MACC1: variants seen among roughly 807,000 people sequenced by gnomAD.
MACC1 encodes the protein MET transcriptional regulator MACC1, also known as metastasis-associated in colon cancer protein 1.
Under a neutral mutation model 70.7 loss-of-function variants are expected in MACC1, and 79 were observed. That is an observed-to-expected ratio of 1.12 (90% CI 0.93 to 1.35). The LOEUF is 1.35. Ranked by LOEUF, MACC1 falls within the 40% of genes most tolerant of loss-of-function variation. The pLI is 0.00. For missense variants in MACC1, 1,106 were observed against 978.1 expected (o/e 1.13, Z -1.74); for synonymous variants, 361 against 347.2 (o/e 1.04, Z -0.44).
At chr7:20,143,605 G>A (rs1457968433) in intron 6 of MACC1, among the ~76,000 whole-genome samples, 3 of 152,020 alleles carry the variant, frequency 2.0e-5, no homozygotes, top group East Asian at 1.9e-4. Flanking sequence ...TGGCCAGGAT[G>A]GTCTTGATCT....
chr7:20,183,237 C>A (rs532922076), intron 1 of MACC1, among the ~76,000 whole-genome samples: 1 of 152,306 alleles, frequency 6.6e-6, no homozygotes, highest in Admixed American at 6.5e-5. Context: ...TTTGACAAAC[C>A]ATTGCTGGAC....
At chr7:20,173,290 A>G (rs1450891408) in intron 1 of MACC1, among the ~76,000 whole-genome samples, 2 of 152,198 alleles carry the variant, frequency 1.3e-5, no homozygotes, top group Admixed American at 6.5e-5. Context: ...GCCCATCCTT[A>G]CCCTGGCACA....
chr7:20,202,388 A>T (rs1782845798), intron 1 of MACC1, among the ~76,000 whole-genome samples: 1 of 152,206 alleles, frequency 6.6e-6, no homozygotes, highest in African/African-American at 2.4e-5. Flanking sequence ...AGATTTCAGA[A>T]TACGCCTCTT....
intron 1 of MACC1, among the ~76,000 whole-genome samples, chr7:20,186,508 A>G (rs1782590799): frequency 6.6e-6 from 1 of 152,174 alleles, no homozygotes; most frequent in African/African-American, 2.4e-5. Context: ...AATCAAATAA[A>G]TAAACGACAG....
intron 1 of MACC1, among the ~76,000 whole-genome samples, chr7:20,215,498 T>C (rs1256052588): frequency 6.6e-6 from 1 of 152,220 alleles, no homozygotes; most frequent in Non-Finnish European, 1.5e-5. Context: ...TCCTCCACCT[T>C]TGGAGAATTA....
intron 1 of MACC1, among the ~76,000 whole-genome samples, chr7:20,184,578 A>G (rs886278638): frequency 6.6e-6 from 1 of 152,222 alleles, no homozygotes; most frequent in Non-Finnish European, 1.5e-5. Context: ...TCTTGCATTT[A>G]TATCTGTATA....
chr7:20,189,035 A>G (rs1178845736), intron 1 of MACC1, among the ~76,000 whole-genome samples: 1 of 152,174 alleles, frequency 6.6e-6, no homozygotes, highest in Non-Finnish European at 1.5e-5. Context: ...CACAGCAGGC[A>G]TGTTCTTGCC....
rs1250293935 is a variant in MACC1 at position 20,159,170 on chromosome 7, T to C, written c.1191A>G (p.Pro397=). 1.2e-6 allele frequency: 2 copies of C among 1,613,972 alleles called. No individual in the cohort carries two copies. The highest frequency in any genetic ancestry group is 2.2e-5 in the East Asian group (1 of 44,890). ...VLTVCGHNYM[P]GQLTISDIKK... ...TAATATCAGAAATTGTAAGCTGTCC[T>C]GGCATATAATTGTGTCCACAAACTG... Residue 397 remains proline, a synonymous_variant, in exon 5 of 7, where the codon CCA becomes CCG. Coordinates refer to ENST00000400331, the MANE Select transcript of MACC1 (RefSeq NM_182762.4).
In MACC1 at chr7:20,158,418, T is replaced by C. The variant is rs373061346; in HGVS notation, c.1943A>G (p.Tyr648Cys). The C allele has an allele frequency of 4.3e-6, 7 of 1,613,746 alleles. No individual in the cohort carries two copies. Among genetic ancestry groups the C allele is most frequent in the African/African-American group, 1.3e-5 (1 of 74,940 alleles). Residue 648 changes from tyrosine to cysteine, a missense_variant, in exon 5 of 7, where the codon TAT becomes TGT. Transcript: ENST00000400331. ...CAAGGTTAATACAACTGAGTAGATA[T>C]AAGTCAATTTTTTTAAAGGCAGGAC... ...QIVLPLKKLTYIYSVVLTLVS... is the reference protein window; with the variant it reads ...QIVLPLKKLTCIYSVVLTLVS...
intron 1 of MACC1, among the ~76,000 whole-genome samples, chr7:20,203,106 T>C (rs1270985595): frequency 6.6e-6 from 1 of 152,212 alleles, no homozygotes; most frequent in East Asian, 1.9e-4. Context: ...GTTGGTCCCA[T>C]ATATCTCCTG....
At position 20,175,518 on chromosome 7, in the gene MACC1, A is replaced by G. The variant is rs1339315416; in HGVS notation, c.-217-4740T>C. 2.0e-5 allele frequency among the ~76,000 whole-genome samples: 3 copies of G among 152,260 alleles called. No homozygotes were observed. In the East Asian group the frequency reaches 5.8e-4, roughly 29 times the overall value. On this transcript the variant is annotated intron_variant, in intron 1 of 6. Coordinates refer to ENST00000400331, the MANE Select transcript of MACC1 (RefSeq NM_182762.4). ...GCATCTAATATATATAACTCTTGAT[A>G]TATTTTCAAATGTATTGCAAAATTA... is the stretch of plus-strand genomic sequence containing the variant.
At position 20,159,557 on chromosome 7, in the gene MACC1, A is replaced by G; in HGVS notation, c.804T>C (p.Thr268=). The change falls in exon 5 of 7, where the codon ACT becomes ACC. Residue 268 remains threonine, a synonymous_variant. Coordinates refer to ENST00000400331, the MANE Select transcript of MACC1 (RefSeq NM_182762.4). ...PHMLNHDLSC[T]VSPLLEIMLG... ...ACATGATTTCCAACAACGGGCTCAC[A>G]GTGCACGAAAGATCATGGTTAAGCA... 2 of 1,614,158 alleles carry G rather than the reference A, an allele frequency of 1.2e-6. No homozygotes were observed. The highest frequency in any genetic ancestry group is 1.7e-6 in the Non-Finnish European group (2 of 1,180,022).
At chr7:20,180,304 G>A (rs1782482552) in intron 1 of MACC1, among the ~76,000 whole-genome samples, 2 of 151,704 alleles carry the variant, frequency 1.3e-5, no homozygotes, top group African/African-American at 4.8e-5. Flanking sequence ...TTAGCCGGGC[G>A]TGGTGGCACG....
At chr7:20,201,548 GGAACTT>G (rs1210570890) in intron 1 of MACC1, among the ~76,000 whole-genome samples, 1 of 152,120 alleles carries the variant, frequency 6.6e-6, no homozygotes, top group Non-Finnish European at 1.5e-5. Context: ...CACAGACTGA[GGAACTT>G]GAACTTTAGC....
intron 1 of MACC1, among the ~76,000 whole-genome samples, chr7:20,194,078 A>G (rs1453564806): frequency 5.3e-5 from 8 of 152,138 alleles, no homozygotes. Flanking sequence ...CTCCATCTGT[A>G]AAATGAGGGG....
intron 2 of MACC1, among the ~76,000 whole-genome samples, chr7:20,168,899 A>C (rs750694497): frequency 2.0e-5 from 3 of 152,178 alleles, no homozygotes; most frequent in Non-Finnish European, 4.4e-5. Context: ...CAAACAATTC[A>C]CTAAGTTAAA....
chr7:20,196,611 G>A (rs1782758890), intron 1 of MACC1, among the ~76,000 whole-genome samples: 2 of 151,878 alleles, frequency 1.3e-5, no homozygotes, highest in Admixed American at 6.6e-5. Flanking sequence ...ATAAAACAAT[G>A]TATATATCTG....
intron 1 of MACC1, among the ~76,000 whole-genome samples, chr7:20,181,292 A>G (rs1449132633): frequency 6.6e-6 from 1 of 152,106 alleles, no homozygotes; most frequent in Non-Finnish European, 1.5e-5. Context: ...ACAAAGAAAA[A>G]TGGAGTCTTT....
chr7:20,176,705 G>T (rs1782398343), intron 1 of MACC1, among the ~76,000 whole-genome samples: 1 of 152,058 alleles, frequency 6.6e-6, no homozygotes, highest in South Asian at 2.1e-4. Context: ...ATGATTTAAA[G>T]AACTGTGTTA....
Sources: allele counts gnomAD v4.1 joint callset (sites outside exome capture counted in the v4.1 genomes callset), GRCh38; gene constraint gnomAD v4.1.1; transcripts MANE v1.5; gene names NCBI Gene and HGNC (gene_info 2026-07-23, HGNC 2026-07-21).